Variants in CATSPERT observed in about 807,000 individuals in gnomAD.
The protein encoded by CATSPERT is cation channel sperm-associated targeting subunit tau.
the CATSPERT span, among the ~76,000 whole-genome samples, chr2:201,574,014 A>G: frequency 6.6e-6 from 1 of 152,254 alleles, no homozygotes; most frequent in Non-Finnish European, 1.5e-5. Flanking sequence ...TTTAAAATGT[A>G]TAAACAAATC....
At chr2:201,585,381 TAA>T in the CATSPERT span, among the ~76,000 whole-genome samples, 2 of 118,582 alleles carry the variant, frequency 1.7e-5, no homozygotes, top group African/African-American at 6.4e-5. Context: ...CTTAAAGTAT[TAA>T]AAAAAAAATT....
the CATSPERT span, among the ~76,000 whole-genome samples, chr2:201,516,711 C>T: frequency 6.7e-6 from 1 of 148,544 alleles, no homozygotes; most frequent in Non-Finnish European, 1.5e-5. Context: ...GTAAGTTTTG[C>T]TTAAACCATA....
the CATSPERT span, among the ~76,000 whole-genome samples, chr2:201,580,832 G>A: frequency 6.6e-6 from 1 of 152,168 alleles, no homozygotes; most frequent in African/African-American, 2.4e-5. Flanking sequence ...GAAAACAAGA[G>A]GGAAGCAACC....
chr2:201,593,390 C>T, the CATSPERT span, among the ~76,000 whole-genome samples: 1 of 151,730 alleles, frequency 6.6e-6, no homozygotes, highest in African/African-American at 2.4e-5. Flanking sequence ...CTGAGGAGAG[C>T]TTTACTTCCA....
the CATSPERT span, among the ~76,000 whole-genome samples, chr2:201,602,915 G>A: frequency 4.5e-4 from 68 of 152,260 alleles, no homozygotes; most frequent in Middle Eastern, 3.4e-3. Flanking sequence ...ATAGGACTTA[G>A]GGAAAGAGAG....
the CATSPERT span, among the ~76,000 whole-genome samples, chr2:201,523,911 C>A: frequency 6.6e-6 from 1 of 152,036 alleles, no homozygotes; most frequent in African/African-American, 2.4e-5. Context: ...CCTCAAAGAC[C>A]AGTTCTTTGA....
the CATSPERT span, among the ~76,000 whole-genome samples, chr2:201,576,828 C>T: frequency 6.6e-6 from 1 of 152,176 alleles, no homozygotes; most frequent in Non-Finnish European, 1.5e-5. Flanking sequence ...CTTGCACCCT[C>T]CTAAGAGAGG....
the CATSPERT span, among the ~76,000 whole-genome samples, chr2:201,617,895 A>G: frequency 6.6e-6 from 1 of 152,234 alleles, no homozygotes; most frequent in Non-Finnish European, 1.5e-5. Context: ...AAAAGTGGGC[A>G]AAGTATATGA....
At chr2:201,491,776 A>T in the CATSPERT span, 12 of 1,537,074 alleles carry the variant, frequency 7.8e-6, no homozygotes, top group Non-Finnish European at 1.0e-5. Flanking sequence ...CTTCATTTTC[A>T]GTGTCTTTTC....
At chr2:201,563,054 G>A in the CATSPERT span, among the ~76,000 whole-genome samples, 3 of 151,250 alleles carry the variant, frequency 2.0e-5, no homozygotes, top group Non-Finnish European at 4.4e-5. Context: ...CGGGGTGGTG[G>A]CCGGGCAGAG....
chr2:201,491,453 C>T, the CATSPERT span: 5 of 1,537,060 alleles, frequency 3.3e-6, 1 homozygote, highest in South Asian at 6.0e-5. Flanking sequence ...CTGCAAATTT[C>T]ATCTGGTTTT....
At chr2:201,558,458 G>A in the CATSPERT span, among the ~76,000 whole-genome samples, 3 of 152,236 alleles carry the variant, frequency 2.0e-5, no homozygotes, top group Non-Finnish European at 1.5e-5. Context: ...GCGGTGACTG[G>A]AAGTCCAGGA....
chr2:201,513,796 A>G, the CATSPERT span, among the ~76,000 whole-genome samples: 1 of 152,212 alleles, frequency 6.6e-6, no homozygotes, highest in East Asian at 1.9e-4. Flanking sequence ...ATGCAGCTGG[A>G]GGCCAAAATA....
chr2:201,570,545 C>G, the CATSPERT span, among the ~76,000 whole-genome samples: 8,190 of 152,170 alleles, frequency 0.054, 267 homozygotes, highest in African/African-American at 0.076. Context: ...TATAGTAACT[C>G]AATTGGGTAG....
chr2:201,545,416 T>C, the CATSPERT span: 2 of 609,452 alleles, frequency 3.3e-6, no homozygotes, highest in African/African-American at 1.9e-5. Context: ...AAAACTATAG[T>C]GAAATGCCTA....
At chr2:201,567,459 A>C in the CATSPERT span, among the ~76,000 whole-genome samples, 1 of 152,168 alleles carries the variant, frequency 6.6e-6, no homozygotes, top group Non-Finnish European at 1.5e-5. Flanking sequence ...AAGATCTGCA[A>C]AGTTAATCAG....
the CATSPERT span, chr2:201,551,163 A>G: frequency 6.6e-6 from 1 of 152,256 alleles, no homozygotes; most frequent in African/African-American, 2.4e-5. Flanking sequence ...ACTCACAGAT[A>G]AGCTGCATAG....
chr2:201,495,344 C>A, the CATSPERT span, among the ~76,000 whole-genome samples: 2 of 152,190 alleles, frequency 1.3e-5, no homozygotes, highest in East Asian at 3.9e-4. Context: ...CTTTTTGATG[C>A]ATACTGTATA....
At chr2:201,549,619 T>C in the CATSPERT span, 1 of 152,152 alleles carries the variant, frequency 6.6e-6, no homozygotes, top group Non-Finnish European at 1.5e-5. Context: ...TAGGTTAAAA[T>C]TCTTTATATC....
Sources: gnomAD v4.1 joint callset for allele counts (sites outside exome capture counted in the v4.1 genomes callset) on GRCh38, gnomAD v4.1.1 for gene constraint, MANE v1.5 for transcripts, NCBI Gene and HGNC (gene_info 2026-07-23, HGNC 2026-07-21) for gene names.